The following TENM1 variants were observed in gnomAD, a reference collection of about 807,000 sequenced individuals.
TENM1 encodes the protein teneurin-1.
A neutral mutation model predicts 174.8 loss-of-function variants in TENM1; 35 were observed. That is an observed-to-expected ratio of 0.20 (90% confidence interval 0.15 to 0.27). The LOEUF is 0.27. Ranked by LOEUF, TENM1 falls within the 10% of genes least tolerant of loss-of-function variation. The pLI is 1.00. For missense variants in TENM1, 1,633 were observed against 2,130.1 expected (o/e 0.77, Z 4.59); for synonymous variants, 781 against 798.7 (o/e 0.98, Z 0.37).
chrX:124,397,631 T>A (rs2060350690), intron 27 of TENM1, among the ~76,000 whole-genome samples: 1 of 111,002 alleles, frequency 9.0e-6, no homozygotes, highest in Non-Finnish European at 1.9e-5. Flanking sequence ...AGAGTCTCGC[T>A]CTGTCGCCCA....
chrX:124,404,988 A>C (rs755646734), intron 27 of TENM1, 43 bp downstream of exon 30: 21 of 1,038,244 alleles, frequency 2.0e-5, no homozygotes, highest in Middle Eastern at 2.5e-4. Context: ...AACAAACAAA[A>C]CACCTATAAA....
chrX:124,463,671 G>A (rs1294413702), intron 22 of TENM1, among the ~76,000 whole-genome samples: 2 of 111,386 alleles, frequency 1.8e-5, no homozygotes, highest in Non-Finnish European at 3.8e-5. Flanking sequence ...GCTTTTATAA[G>A]ATGGTTAAAG....
chrX:124,792,840 C>T (rs1229169843), intron 3 of TENM1, among the ~76,000 whole-genome samples: 1 of 112,076 alleles, frequency 8.9e-6, no homozygotes, highest in Non-Finnish European at 1.9e-5. Flanking sequence ...AATAATTTTG[C>T]TTTGTTTTAC....
chrX:124,783,008 G>A (rs1197318737), intron 3 of TENM1, among the ~76,000 whole-genome samples: 1 of 111,737 alleles, frequency 8.9e-6, no homozygotes, highest in Non-Finnish European at 1.9e-5. Flanking sequence ...GCATGGTTAT[G>A]GTTTAGCCAC....
intron 30 of TENM1, 73 bp downstream of exon 33, chrX:124,383,561 T>C: frequency 1.1e-6 from 1 of 936,861 alleles, no homozygotes; most frequent in Non-Finnish European, 1.5e-6. Context: ...TACAAAGGCA[T>C]TGAGATTCTG....
chrX:125,192,702 G>T, the TENM1 span, among the ~76,000 whole-genome samples: 1 of 111,640 alleles, frequency 9.0e-6, no homozygotes, highest in Non-Finnish European at 1.9e-5. Context: ...TAACATTTGG[G>T]ACTTGAAAAA....
chrX:124,639,096 A>G (rs1278067418), intron 11 of TENM1, among the ~76,000 whole-genome samples: 1 of 111,827 alleles, frequency 8.9e-6, no homozygotes, highest in Admixed American at 9.5e-5. Context: ...GGTTTGTTTT[A>G]AATCACTCAA....
intron 3 of TENM1, among the ~76,000 whole-genome samples, chrX:124,769,283 GT>G (rs1343249995): frequency 9.0e-6 from 1 of 111,481 alleles, no homozygotes; most frequent in Non-Finnish European, 1.9e-5. Context: ...GGACTTTAAT[GT>G]TTATGTTTTG....
At chrX:124,830,057 T>C (rs757536973) in intron 3 of TENM1, among the ~76,000 whole-genome samples, 64 of 111,925 alleles carry the variant, frequency 5.7e-4, no homozygotes, top group African/African-American at 1.9e-3. Flanking sequence ...TGGGGAAATA[T>C]AACATCTCCC....
chrX:124,678,125 G>A (rs2052138187), intron 5 of TENM1, among the ~76,000 whole-genome samples: 1 of 111,149 alleles, frequency 9.0e-6, no homozygotes, highest in African/African-American at 3.3e-5. Flanking sequence ...ATTGGCAGTT[G>A]AAATTGACCA....
intron 15 of TENM1, among the ~76,000 whole-genome samples, chrX:124,542,789 G>A (rs748311658): frequency 1.3e-4 from 14 of 111,253 alleles, no homozygotes; most frequent in African/African-American, 4.6e-4. Context: ...GTGAGGCAGA[G>A]TGTATACCAA....
At chrX:124,867,159 T>A (rs1190987734) in intron 3 of TENM1, among the ~76,000 whole-genome samples, 1 of 111,420 alleles carries the variant, frequency 9.0e-6, no homozygotes. Context: ...ATTACCCTGA[T>A]ACCAAAACCA....
At chrX:124,415,188 T>C (rs190148627) in intron 25 of TENM1, among the ~76,000 whole-genome samples, 223 of 112,052 alleles carry the variant, frequency 2.0e-3, no homozygotes, top group Non-Finnish European at 3.3e-3. Flanking sequence ...ATAAAGACTG[T>C]AGGAGGAATT....
intron 11 of TENM1, among the ~76,000 whole-genome samples, chrX:124,589,061 G>T (rs766705486): frequency 2.0e-4 from 21 of 103,430 alleles, no homozygotes; most frequent in Non-Finnish European, 1.8e-4. Context: ...TTATTATTCT[G>T]ATGTATGTTC....
At chrX:124,957,277 C>CAA (rs1240503093) in intron 1 of TENM1, among the ~76,000 whole-genome samples, 1 of 87,104 alleles carries the variant, frequency 1.1e-5, no homozygotes, top group African/African-American at 4.2e-5. Flanking sequence ...GTAATCTTGG[C>CAA]AAAAAAAAAA....
At chrX:124,563,614 C>G in intron 13 of TENM1, 135 bp downstream of exon 16, 1 of 482,648 alleles carries the variant, frequency 2.1e-6, no homozygotes, top group East Asian at 3.9e-5. Context: ...AAACTGACAA[C>G]ATTATATTTA....
the TENM1 span, among the ~76,000 whole-genome samples, chrX:125,080,764 T>C: frequency 9.0e-6 from 1 of 110,802 alleles, no homozygotes. Flanking sequence ...ATTCTGTATC[T>C]ACTGGAGATG....
chrX:124,721,251 A>C lies in TENM1; in HGVS notation c.776+15706T>G, dbSNP rs903971862. On this transcript the variant is annotated intron_variant, in intron 4 of 31. Transcript: ENST00000422452. ...AATTTGCAACGGATATCCTGGGACC[A>C]CTAGACATTTTGTCCACTCTACAAC... 6.3e-5 allele frequency among the ~76,000 whole-genome samples: 7 copies of C among 111,712 alleles called. No individual in the cohort carries two copies. The Admixed American group carries it at 6.6e-4, about 11-fold the overall frequency.
chrX:124,606,608 T>C (rs749896377), intron 11 of TENM1, among the ~76,000 whole-genome samples: 20 of 111,206 alleles, frequency 1.8e-4, no homozygotes, highest in Non-Finnish European at 3.4e-4. Flanking sequence ...ATTTTATAAT[T>C]TCATGAATGT....
Sources: gnomAD v4.1 joint callset for allele counts (sites outside exome capture counted in the v4.1 genomes callset) on GRCh38, gnomAD v4.1.1 for gene constraint, MANE v1.5 for transcripts, NCBI Gene and HGNC (gene_info 2026-07-23, HGNC 2026-07-21) for gene names.